The following DMD variants were observed in gnomAD, a reference collection of about 807,000 sequenced individuals.
DMD encodes the protein dystrophin.
A neutral mutation model predicts 330.1 loss-of-function variants in DMD; 63 were observed. The ratio of observed to expected loss-of-function variants is 0.19; its 90% CI spans 0.16 to 0.24. The LOEUF (loss-of-function observed/expected upper bound fraction) is 0.24, where lower values mean the gene tolerates loss of function less well. Ranked by LOEUF, DMD falls within the 10% of genes least tolerant of loss-of-function variation. The probability of loss-of-function intolerance (pLI) is 1.00; values close to 1 mark genes in which losing one functional copy is unlikely to be tolerated. For synonymous variants in DMD, 1,223 were observed against 959.8 expected (o/e 1.27, Z -5.07); for missense variants, 3,344 against 2,684.1 (o/e 1.25, Z -5.43).
intron 62 of DMD, among the ~76,000 whole-genome samples, chrX:31,274,284 C>A (rs897412805): frequency 8.9e-6 from 1 of 112,086 alleles, no homozygotes; most frequent in Non-Finnish European, 1.9e-5. Flanking sequence ...AAATTCACAG[C>A]GTTTGCTATC....
chrX:31,220,916 T>C (rs1351869050), intron 64 of DMD, among the ~76,000 whole-genome samples: 1 of 98,614 alleles, frequency 1.0e-5, no homozygotes, highest in Non-Finnish European at 2.0e-5. Context: ...TTTTTTTTTT[T>C]TTTTTAGCTC....
chrX:32,787,247 T>TGTGTGTGA (rs1322043646), intron 7 of DMD, among the ~76,000 whole-genome samples: 1 of 77,569 alleles, frequency 1.3e-5, no homozygotes. Context: ...TGTGTGTGTG[T>TGTGTGTGA]GAGAGAGAGA....
chrX:31,473,845 C>G (rs190622336), intron 59 of DMD, among the ~76,000 whole-genome samples: 1 of 111,447 alleles, frequency 9.0e-6, no homozygotes, highest in Non-Finnish European at 1.9e-5. Flanking sequence ...ATATATTCCA[C>G]TTACAGATCT....
intron 43 of DMD, among the ~76,000 whole-genome samples, chrX:32,259,671 C>T (rs749764078): frequency 1.8e-5 from 2 of 111,256 alleles, no homozygotes; most frequent in South Asian, 3.8e-4. Flanking sequence ...CCATCGAGTT[C>T]GTTGCGATGA....
chrX:33,010,062 A>ATATACACACATGTGTATATATACGTG (rs1318950415), intron 2 of DMD, among the ~76,000 whole-genome samples: 1 of 34,483 alleles, frequency 2.9e-5, no homozygotes, highest in African/African-American at 8.8e-5. Context: ...ATATACGTGT[A>ATATACACACATGTGTATATATACGTG]TATATACACA....
intron 44 of DMD, among the ~76,000 whole-genome samples, chrX:32,068,031 T>A (rs1404126075): frequency 8.9e-6 from 1 of 112,071 alleles, no homozygotes; most frequent in African/African-American, 3.2e-5. Context: ...GTCTTTTGAC[T>A]TTTTAACAAA....
At chrX:32,408,590 G>A (rs778651056) in intron 30 of DMD, among the ~76,000 whole-genome samples, 1 of 111,555 alleles carries the variant, frequency 9.0e-6, no homozygotes, top group Non-Finnish European at 1.9e-5. Context: ...ACACGGTGGA[G>A]TCAGACACCC....
At chrX:31,489,673 C>A (rs1457238263) in intron 57 of DMD, among the ~76,000 whole-genome samples, 1 of 111,678 alleles carries the variant, frequency 9.0e-6, no homozygotes, top group African/African-American at 3.3e-5. Flanking sequence ...AAAAAAAGTT[C>A]TTGAAAGAAC....
chrX:32,173,146 G>C (rs2096894225), intron 44 of DMD, among the ~76,000 whole-genome samples: 1 of 104,557 alleles, frequency 9.6e-6, no homozygotes, highest in Non-Finnish European at 1.9e-5. Flanking sequence ...TGTGGCAGGT[G>C]GCTTTTTAGG....
At chrX:33,182,293 C>T (rs969357996) in intron 1 of DMD, among the ~76,000 whole-genome samples, 5 of 111,702 alleles carry the variant, frequency 4.5e-5, no homozygotes, top group African/African-American at 6.5e-5. Context: ...GAGACATAAT[C>T]TTGCTCTGTT....
chrX:32,739,728 A>G (rs1386833706), intron 7 of DMD, among the ~76,000 whole-genome samples: 1 of 111,209 alleles, frequency 9.0e-6, no homozygotes, highest in African/African-American at 3.3e-5. Context: ...GTGGAATCTT[A>G]AGAGAAGAGC....
intron 52 of DMD, among the ~76,000 whole-genome samples, chrX:31,721,212 T>C (rs2148964186): frequency 8.9e-6 from 1 of 111,734 alleles, no homozygotes; most frequent in Non-Finnish European, 1.9e-5. Flanking sequence ...ATTATGAACC[T>C]CATGATGATG....
chrX:31,707,375 A>C (rs1468185038), intron 52 of DMD, among the ~76,000 whole-genome samples: 3 of 111,213 alleles, frequency 2.7e-5, no homozygotes, highest in Non-Finnish European at 5.7e-5. Flanking sequence ...AGTTCTACCA[A>C]ATATCACATG....
chrX:32,771,900 C>T (rs16990674), intron 7 of DMD, among the ~76,000 whole-genome samples: 5,124 of 111,415 alleles, frequency 0.046, 302 homozygotes, highest in African/African-American at 0.16. Flanking sequence ...TGAAACCATT[C>T]CAAGTCAAAA....
At chrX:32,649,559 T>TAAAAAAAAAAAAAAAAAAA (rs1161462889) in intron 9 of DMD, among the ~76,000 whole-genome samples, 1 of 54,280 alleles carries the variant, frequency 1.8e-5, no homozygotes, top group African/African-American at 1.2e-4. Flanking sequence ...CCGTCTCTTT[T>TAAAAAAAAAAAAAAAAAAA]AAAAAAAAAA....
chrX:32,975,319 AT>A (rs1266073207), intron 2 of DMD, among the ~76,000 whole-genome samples: 1 of 66,156 alleles, frequency 1.5e-5, no homozygotes. Context: ...TTCACTCCAC[AT>A]TTTGCTTTTT....
intron 1 of DMD, among the ~76,000 whole-genome samples, chrX:33,199,755 A>G (rs982813024): frequency 5.4e-5 from 6 of 111,655 alleles, no homozygotes; most frequent in African/African-American, 2.0e-4. Flanking sequence ...TCAGCCTGCA[A>G]TGCAGACTGA....
chrX:33,122,952 T>C (rs2095433897), intron 1 of DMD, among the ~76,000 whole-genome samples: 1 of 112,428 alleles, frequency 8.9e-6, no homozygotes, highest in Admixed American at 9.5e-5. Flanking sequence ...AAAGAAAAGA[T>C]AGGAACTGCA....
chrX:31,296,944 A>C (rs2054234128), intron 62 of DMD, among the ~76,000 whole-genome samples: 1 of 112,086 alleles, frequency 8.9e-6, no homozygotes, highest in African/African-American at 3.2e-5. Flanking sequence ...TTGAATTTCT[A>C]TGTCATAACA....
Sources: gnomAD v4.1 joint callset for allele counts (sites outside exome capture counted in the v4.1 genomes callset) on GRCh38, gnomAD v4.1.1 for gene constraint, MANE v1.5 for transcripts, NCBI Gene and HGNC (gene_info 2026-07-23, HGNC 2026-07-21) for gene names.